ZFP1: variants seen among roughly 807,000 people sequenced by gnomAD.
ZFP1 encodes zinc finger protein 1 homolog.
A neutral mutation model predicts 38.5 loss-of-function variants in ZFP1; 32 were observed. That is an observed-to-expected ratio of 0.83 (90% confidence interval 0.63 to 1.12). The LOEUF (loss-of-function observed/expected upper bound fraction) is 1.12. Among genes scored for constraint, ZFP1 ranks in the 50% most tolerant of loss-of-function variants. ZFP1 has a pLI of 0.00. For missense variants in ZFP1, 616 were observed against 480.8 expected (o/e 1.28, Z -2.63); for synonymous variants, 245 against 168.8 (o/e 1.45, Z -3.50).
At position 75,151,496 on chromosome 16, in the gene ZFP1, T is replaced by A. The variant is rs1172976308; in HGVS notation, c.-43-1413T>A. Among the ~76,000 whole-genome samples, 5 of 152,184 alleles carry A rather than the reference T, an allele frequency of 3.3e-5. No individual in the cohort carries two copies. In the South Asian group the frequency reaches 6.2e-4, roughly 19 times the overall value. ...CATTTTATCTCCACTGTTGTCTTAT[T>A]GTATATTTGTAAAAATTTAACAGAG... On this transcript the variant is annotated intron_variant, in intron 1 of 3. Transcript: ENST00000570010.
Position 75,170,355 on chromosome 16 carries a change from G to T in ZFP1, c.*21G>T. 6.5e-7 allele frequency: 1 copy of T among 1,543,650 alleles called. No homozygotes were observed. The highest frequency in any genetic ancestry group is 8.7e-7 in the Non-Finnish European group (1 of 1,146,120). ...CCTGAAACTCCAGCCAGGTCTTACT[G>T]TGGAAAACTCCTGCCAGAACTCTTC... is the stretch of plus-strand genomic sequence containing the variant. On this transcript the variant is annotated 3_prime_UTR_variant, in exon 4 of 4. Coordinates refer to ENST00000570010, the MANE Select transcript of ZFP1 (RefSeq NM_153688.4).
At chr16:75,142,545 T>C in the ZFP1 span, among the ~76,000 whole-genome samples, 1 of 152,162 alleles carries the variant, frequency 6.6e-6, no homozygotes, top group Non-Finnish European at 1.5e-5. Flanking sequence ...AAAGTGTCTC[T>C]AGCACCAGTG....
At chr16:75,161,934 G>A (rs1324386434) in intron 2 of ZFP1, among the ~76,000 whole-genome samples, 1 of 146,350 alleles carries the variant, frequency 6.8e-6, no homozygotes, top group Non-Finnish European at 1.5e-5. Context: ...ACAGGCGCCC[G>A]CTACTGTGCC....
chr16:75,157,423 T>TA (rs1423021101), intron 2 of ZFP1, among the ~76,000 whole-genome samples: 6 of 151,976 alleles, frequency 3.9e-5, no homozygotes, highest in Non-Finnish European at 7.4e-5. Flanking sequence ...TTTGTATTTT[T>TA]AGTAGAGACG....
the ZFP1 span, chr16:75,119,542 G>C: frequency 6.6e-6 from 1 of 152,088 alleles, no homozygotes; most frequent in Non-Finnish European, 1.5e-5. Context: ...CCTGCTTCTA[G>C]GATGGTAGAG....
At chr16:75,123,457 A>ATG in the ZFP1 span, among the ~76,000 whole-genome samples, 28 of 31,652 alleles carry the variant, frequency 8.8e-4, no homozygotes, top group East Asian at 7.3e-3. Flanking sequence ...GTGTATATGT[A>ATG]TATATATATA....
the ZFP1 span, among the ~76,000 whole-genome samples, chr16:75,138,766 G>T: frequency 6.6e-6 from 1 of 152,216 alleles, no homozygotes; most frequent in Non-Finnish European, 1.5e-5. Flanking sequence ...AAGAAGCATG[G>T]CAGGCTGCCC....
At chr16:75,121,057 C>T in the ZFP1 span, among the ~76,000 whole-genome samples, 4 of 152,168 alleles carry the variant, frequency 2.6e-5, no homozygotes, top group African/African-American at 9.7e-5. Flanking sequence ...TTCTTGGAGA[C>T]CCAGGATTCA....
chr16:75,135,260 C>CAAAAAGTGAATGGATATACCAACTGTA, the ZFP1 span, among the ~76,000 whole-genome samples: 30 of 130,210 alleles, frequency 2.3e-4, no homozygotes, highest in South Asian at 7.7e-3. Flanking sequence ...AGAGATCCTT[C>CAAAAAGTGAATGGATATACCAACTGTA]ACTCATTCAT....
At position 75,169,315 on chromosome 16, in the gene ZFP1, C is replaced by A; in HGVS notation, c.205C>A (p.Gln69Lys). The change falls in exon 4 of 4, where the codon CAA becomes AAA. Residue 69 changes from glutamine to lysine, a missense_variant. Gln to Lys is a moderately conservative substitution (Grantham distance 53, BLOSUM62 1). Coordinates refer to ENST00000570010, the MANE Select transcript of ZFP1 (RefSeq NM_153688.4). ...CAGAAACCCAGACGAGCAGGCGAGG[C>A]AATTTTTAATTCTTAAGAACCAAAC... ...DHRNPDEQARQFLILKNQTPI... is the reference protein window; with the variant it reads ...DHRNPDEQARKFLILKNQTPI... 6.2e-7 allele frequency: 1 copy of A among 1,613,962 alleles called. No individual in the cohort carries two copies. The highest frequency in any genetic ancestry group is 2.2e-5 in the East Asian group (1 of 44,874).
intron 3 of ZFP1, among the ~76,000 whole-genome samples, chr16:75,167,896 C>G (rs1053791019): frequency 1.3e-5 from 2 of 152,126 alleles, no homozygotes; most frequent in African/African-American, 4.8e-5. Flanking sequence ...CAGTTCAATA[C>G]CAGCACCAAC....
At chr16:75,154,594 T>TTG (rs2037378537) in intron 2 of ZFP1, among the ~76,000 whole-genome samples, 1 of 84,882 alleles carries the variant, frequency 1.2e-5, no homozygotes, top group Non-Finnish European at 2.7e-5. Context: ...TTTTTTTTTT[T>TTG]GGTTTTAAGG....
At chr16:75,140,687 C>T in the ZFP1 span, among the ~76,000 whole-genome samples, 15 of 152,102 alleles carry the variant, frequency 9.9e-5, no homozygotes, top group East Asian at 7.7e-4. Flanking sequence ...AGGCCGGGCA[C>T]GGTGGCTCAC....
chr16:75,152,907 A>T lies in ZFP1; in HGVS notation c.-43-2A>T. The T allele has an allele frequency of 6.2e-7, 1 of 1,612,046 alleles. No individual in the cohort carries two copies. Among genetic ancestry groups the T allele is most frequent in the African/African-American group, 1.3e-5 (1 of 74,910 alleles). On this transcript the variant is annotated splice_acceptor_variant, in intron 1 of 3. Coordinates refer to ENST00000570010, the MANE Select transcript of ZFP1 (RefSeq NM_153688.4). LOFTEE classifies it low-confidence loss of function (5UTR_SPLICE). ...AATGCCTTCCTTTTTCCTCTATTCC[A>T]GTTCTGCCTTCATAGTTCTCTGCCT...
chr16:75,171,240 T>C lies in ZFP1; in HGVS notation c.*906T>C, dbSNP rs1034353787. The C allele has an allele frequency of 2.6e-5, 4 of 152,234 alleles. No homozygotes were observed. The highest frequency in any genetic ancestry group is 1.3e-4 in the Admixed American group (2 of 15,280). The allele number at this position is 152,234 out of a possible 1,614,324, so 9.4% of individuals were successfully genotyped here. ...TGTTTTTGTCTTTCCTTGTTTCCCT[T>C]AATATTTCATGAATTGTCTAGCAAA... On this transcript the variant is annotated 3_prime_UTR_variant, in exon 4 of 4. Coordinates refer to ENST00000570010, the MANE Select transcript of ZFP1 (RefSeq NM_153688.4).
At chr16:75,124,008 C>G in the ZFP1 span, among the ~76,000 whole-genome samples, 1 of 151,432 alleles carries the variant, frequency 6.6e-6, no homozygotes, top group East Asian at 2.0e-4. Context: ...GGAGGAGAAT[C>G]ACTTGAACCC....
intron 2 of ZFP1, 181 bp from the exon 3 acceptor site, chr16:75,166,589 A>T (rs1334376488): frequency 8.1e-6 from 8 of 985,138 alleles, no homozygotes; most frequent in Non-Finnish European, 9.6e-6. Flanking sequence ...ATATAGGGGA[A>T]TCTGAATAAA....
the ZFP1 span, among the ~76,000 whole-genome samples, chr16:75,138,547 C>G: frequency 6.6e-5 from 10 of 152,228 alleles, no homozygotes; most frequent in Non-Finnish European, 1.0e-4. Flanking sequence ...TCCCTGCAAC[C>G]TCGGACTGTG....
At chr16:75,121,604 G>A in the ZFP1 span, among the ~76,000 whole-genome samples, 1 of 152,138 alleles carries the variant, frequency 6.6e-6, no homozygotes, top group African/African-American at 2.4e-5. Context: ...TTGTGAAGCA[G>A]GTTATCAATA....
Sources: allele counts gnomAD v4.1 joint callset (sites outside exome capture counted in the v4.1 genomes callset), GRCh38; gene constraint gnomAD v4.1.1; transcripts MANE v1.5; gene names NCBI Gene and HGNC (gene_info 2026-07-23, HGNC 2026-07-21).